The following FTCD variants were observed in gnomAD, a reference collection of about 807,000 sequenced individuals.
FTCD encodes formimidoyltransferase-cyclodeaminase.
Under a neutral mutation model 62.9 loss-of-function variants are expected in FTCD, and 76 were observed. The observed-to-expected ratio is 1.21, with a 90% CI of 1.00 to 1.46. The LOEUF is 1.46. FTCD is among the 40% of genes most tolerant of loss of function. The pLI, the probability that FTCD is intolerant of heterozygous loss-of-function variation, is 0.00. For missense variants in FTCD, 845 were observed against 751.3 expected (o/e 1.12, Z -1.46); for synonymous variants, 397 against 336.9 (o/e 1.18, Z -1.95).
chr21:46,137,022 G>C lies in FTCD; in HGVS notation c.1591C>G (p.Leu531Val). 1 of 1,613,658 alleles carries C rather than the reference G, an allele frequency of 6.2e-7. No individual in the cohort carries two copies. The highest frequency in any genetic ancestry group is 8.5e-7 in the Non-Finnish European group (1 of 1,179,994). Residue 531 changes from leucine to valine, a missense_variant, in exon 14 of 14, where the codon CTG (leucine) becomes GTG (valine). Coordinates refer to ENST00000397746, the MANE Select transcript of FTCD (RefSeq NM_206965.2). ...CGGGTCTCCAAGCAGTCCAGCACCA[G>C]TGCAGCCTGGGTCTTGGCTTCCTGC... ...LLQEAKTQAA[L>V]VLDCLETRQE
chr21:46,145,972 G>A (rs759140034), intron 8 of FTCD, 25 bp from the exon 9 acceptor site: 2 of 1,388,448 alleles, frequency 1.4e-6, no homozygotes, highest in South Asian at 2.7e-5. Context: ...CGGCTCAGCG[G>A]GTCTGGCCGG....
intron 7 of FTCD, 59 bp from the exon 8 acceptor site, chr21:46,146,386 T>TC (rs2079148482): frequency 8.2e-7 from 1 of 1,215,454 alleles, no homozygotes; most frequent in African/African-American, 1.5e-5. Flanking sequence ...CAGGAAAGCC[T>TC]CGGAACCCGC....
In FTCD at chr21:46,150,370, G is replaced by A. The variant is rs372987977; in HGVS notation, c.774+18C>T. 211 of 1,612,056 alleles carry A rather than the reference G, an allele frequency of 1.3e-4. No homozygotes were observed. Among genetic ancestry groups the A allele is most frequent in the African/African-American group, 1.1e-3 (81 of 74,892 alleles). ...TCGGCTCGCCCCTCACAGCAGCAGC[G>A]GCTGCTCCCGGGCTCACCTGTGCTT... On this transcript the variant is annotated intron_variant, in intron 6 of 13. Coordinates refer to ENST00000397746, the MANE Select transcript of FTCD (RefSeq NM_206965.2).
At chr21:46,137,538 G>T (rs1298387571) in intron 12 of FTCD, among the ~76,000 whole-genome samples, 1 of 152,186 alleles carries the variant, frequency 6.6e-6, no homozygotes, top group Non-Finnish European at 1.5e-5. Flanking sequence ...TCCAAGCAGG[G>T]CTCAGCCCCA....
In FTCD at chr21:46,155,550, T is replaced by C; in HGVS notation, c.-27A>G. 1 of 1,603,024 alleles carries C rather than the reference T, an allele frequency of 6.2e-7. No homozygotes were observed. Among genetic ancestry groups the C allele is most frequent in the Non-Finnish European group, 8.5e-7 (1 of 1,171,100 alleles). On this transcript the variant is annotated 5_prime_UTR_variant, in exon 1 of 14. Transcript: ENST00000397746. ...GCCAGCACCTTGATCCAGATGCTCC[T>C]CTCTGGGCAGATGGAAGGACAGGGC...
In FTCD at chr21:46,151,400, C is replaced by T. The variant is rs371927075; in HGVS notation, c.636+158G>A. Reference sequence around the variant, plus strand: ...CCTGCCGACCTGCGCGGTCCCCGCACGGTGTGGACGCGGAGGCTGGGCCGG... The same window carrying T: ...CCTGCCGACCTGCGCGGTCCCCGCATGGTGTGGACGCGGAGGCTGGGCCGG... On this transcript the variant is annotated intron_variant, in intron 5 of 13. Coordinates refer to ENST00000397746, the MANE Select transcript of FTCD (RefSeq NM_206965.2). Among the ~76,000 whole-genome samples the T allele has an allele frequency of 1.1e-4, 17 of 152,366 alleles. No individual in the cohort carries two copies. The East Asian group carries it at 2.7e-3, about 24-fold the overall frequency.
chr21:46,152,619 T>C, intron 3 of FTCD: 1 of 347,530 alleles, frequency 2.9e-6, no homozygotes, highest in East Asian at 4.6e-5. Context: ...TTAGTTAATT[T>C]CCCAAAGTGA....
chr21:46,155,451 C>T lies in FTCD; in HGVS notation c.54+19G>A. On this transcript the variant is annotated intron_variant, in intron 1 of 13. Coordinates refer to ENST00000397746, the MANE Select transcript of FTCD (RefSeq NM_206965.2). Reference sequence around the variant, plus strand: ...TGCCCCATCAGCCCTAGATGCTTGACCAGCTCCTCGGGCCTCACCTCCTGG... The same window carrying T: ...TGCCCCATCAGCCCTAGATGCTTGATCAGCTCCTCGGGCCTCACCTCCTGG... 2 of 1,607,006 alleles carry T rather than the reference C, an allele frequency of 1.2e-6. No individual in the cohort carries two copies. The highest frequency in any genetic ancestry group is 2.2e-5 in the South Asian group (2 of 90,930).
At chr21:46,154,127 C>G in intron 2 of FTCD, 22 bp downstream of exon 2, 1 of 1,611,182 alleles carries the variant, frequency 6.2e-7, no homozygotes, top group East Asian at 2.2e-5. Context: ...ACGGCAGCCA[C>G]AGGAGAGCCC....
intron 8 of FTCD, 36 bp downstream of exon 8, chr21:46,146,230 G>A (rs2079144190): frequency 2.0e-6 from 3 of 1,477,238 alleles, no homozygotes; most frequent in South Asian, 2.3e-5. Flanking sequence ...CAGAGCCCGG[G>A]AGGGGTGAGA....
At chr21:46,142,883 A>G (rs1417814719) in intron 10 of FTCD, 2 of 152,224 alleles carry the variant, frequency 1.3e-5, no homozygotes, top group African/African-American at 4.8e-5. Context: ...CAGAGCACTG[A>G]CTGGTGCGTT....
Position 46,150,200 on chromosome 21 carries a change from C to G in FTCD, c.825G>C (p.Leu275=). 6.2e-7 allele frequency: 1 copy of G among 1,609,544 alleles called. No individual in the cohort carries two copies. Among genetic ancestry groups the G allele is most frequent in the Non-Finnish European group, 8.5e-7 (1 of 1,178,622 alleles). ...VGSQLVGLVP[L]KALLDAAAFY... Reference sequence around the variant, plus strand: ...AGGCGGCCGCATCCAGCAGAGCCTTCAGGGGCACCAGGCCCACCAGCTGTG... The same window carrying G: ...AGGCGGCCGCATCCAGCAGAGCCTTGAGGGGCACCAGGCCCACCAGCTGTG... Residue 275 remains leucine, a synonymous_variant, in exon 7 of 14, where the codon CTG becomes CTC. Transcript: ENST00000397746.
intron 2 of FTCD, among the ~76,000 whole-genome samples, chr21:46,153,875 C>T (rs1032737210): frequency 6.6e-6 from 1 of 152,248 alleles, no homozygotes; most frequent in Non-Finnish European, 1.5e-5. Context: ...AAACCTTCCC[C>T]GGCGTGGCCC....
rs756710291 is a variant in FTCD, at chr21:46,138,860, G to A, written c.1304+20C>T. 9.4e-5 allele frequency: 150 copies of A among 1,603,136 alleles called. No homozygotes were observed. The highest frequency in any genetic ancestry group is 4.2e-4 in the Admixed American group (25 of 59,994). ...CCCCAGACACAGAGGCCCACGGTGC[G>A]GCCGGCCCTCCAGGCTCACCTGTCC... On this transcript the variant is annotated intron_variant, in intron 11 of 13. Coordinates refer to ENST00000397746, the MANE Select transcript of FTCD (RefSeq NM_206965.2).
rs748500991 is a variant in FTCD at position 46,137,079 on chromosome 21, G to A, written c.1540-6C>T. The A allele has an allele frequency of 3.7e-6, 6 of 1,613,748 alleles. No homozygotes were observed. Among genetic ancestry groups the A allele is most frequent in the Admixed American group, 3.3e-5 (2 of 60,020 alleles). ...CTGGAAACACGATGGTGGATCTGAT[G>A]GACACAGGGAAAGAGGGGTCTGGTA... On this transcript the variant is annotated splice_polypyrimidine_tract_variant and splice_region_variant and intron_variant, in intron 13 of 13. Coordinates refer to ENST00000397746, the MANE Select transcript of FTCD (RefSeq NM_206965.2).
chr21:46,139,082 C>A, intron 10 of FTCD, 159 bp from the exon 11 acceptor site: 21 of 657,954 alleles, frequency 3.2e-5, no homozygotes, highest in Middle Eastern at 3.1e-4. Context: ...TAGCCCTTAG[C>A]ATCAGGCTTG....
In FTCD at chr21:46,138,527, G is replaced by A. The variant is rs568872542; in HGVS notation, c.1424C>T (p.Ala475Val). 9 of 1,586,614 alleles carry A rather than the reference G, an allele frequency of 5.7e-6. No individual in the cohort carries two copies. Among genetic ancestry groups the A allele is most frequent in the African/African-American group, 1.3e-5 (1 of 74,830 alleles). The change falls in exon 12 of 14, where the codon GCC (alanine) becomes GTC (valine). Residue 475 changes from alanine (A) to valine (V), a missense_variant. Transcript: ENST00000397746. ...CCCTACCTGGAGGTCTGACCGGCAG[G>A]CCAGGTTCCCACACCGGGCCAGTTC... ...LQELARCGNL[A>V]CRSDLQVAAK...
At position 46,152,916 on chromosome 21, in the gene FTCD, C is replaced by G. The variant is rs1278851273; in HGVS notation, c.358G>C (p.Asp120His). ...AFGQRLAEELDVPVYLYGEAA... is the reference protein window; with the variant it reads ...AFGQRLAEELHVPVYLYGEAA... ...GGGGGGGCACGCTCACCTGGCACGT[C>G]CAGCTCCTCTGCCAGCCTCTGGCCA... The change falls in exon 3 of 14, where the codon GAC (aspartate) becomes CAC (histidine). Residue 120 changes from aspartate to histidine, a missense_variant. By Grantham distance (81) the Asp-to-His change is moderately conservative (BLOSUM62 -1). Transcript: ENST00000397746. 2.5e-6 allele frequency: 4 copies of G among 1,570,668 alleles called. No individual in the cohort carries two copies. The highest frequency in any genetic ancestry group is 3.5e-6 in the Non-Finnish European group (4 of 1,158,454).
chr21:46,140,816 G>C (rs1347978901), intron 10 of FTCD, among the ~76,000 whole-genome samples: 1 of 141,750 alleles, frequency 7.1e-6, no homozygotes, highest in South Asian at 2.3e-4. Flanking sequence ...AGCACTCCCC[G>C]TCAGCCTTCA....
Sources: allele counts gnomAD v4.1 joint callset (sites outside exome capture counted in the v4.1 genomes callset), GRCh38; gene constraint gnomAD v4.1.1; transcripts MANE v1.5; gene names NCBI Gene and HGNC (gene_info 2026-07-23, HGNC 2026-07-21).